The following CACNA1D variants were observed in gnomAD, a reference collection of about 807,000 sequenced individuals.
CACNA1D encodes voltage-dependent L-type calcium channel subunit alpha-1D.
In CACNA1D, 55 loss-of-function variants were observed where a neutral mutation model predicts 257.1. The ratio of observed to expected loss-of-function variants is 0.21; its 90% confidence interval spans 0.17 to 0.27. The LOEUF is 0.27. Ranked by LOEUF, CACNA1D falls within the 10% of genes least tolerant of loss-of-function variation. The pLI is 1.00. For missense variants in CACNA1D, 1,876 were observed against 2,784.0 expected (o/e 0.67, Z 7.34); for synonymous variants, 980 against 1,014.9 (o/e 0.97, Z 0.65).
At chr3:53,741,906 A>T (rs1356229337) in intron 21 of CACNA1D, among the ~76,000 whole-genome samples, 1 of 152,196 alleles carries the variant, frequency 6.6e-6, no homozygotes, top group African/African-American at 2.4e-5. Context: ...TAGACACAGG[A>T]TTATTTAAAA....
rs897912587 is a variant in CACNA1D, at chr3:53,781,893, A to G, written c.4792+226A>G. ...GCTTCAGTGAAAAACCAAAACTCAC[A>G]TGGCTGGAGCAGGGATTTTCTTTTT... is the stretch of plus-strand genomic sequence containing the variant. On this transcript the variant is annotated intron_variant, in intron 39 of 47. Coordinates refer to ENST00000350061, the MANE Select transcript of CACNA1D (RefSeq NM_001128840.3). The G allele has an allele frequency of 7.2e-6, 4 of 554,546 alleles. No individual in the cohort carries two copies. In the Admixed American group the frequency reaches 1.3e-4, roughly 18 times the overall value. 34.4% of individuals were successfully genotyped at this position (554,546 alleles called of 1,614,324 possible). A position where few individuals can be genotyped will look rare whatever the true frequency, so the allele number is the denominator to read the frequency against.
intron 8 of CACNA1D, among the ~76,000 whole-genome samples, chr3:53,693,378 A>G (rs2094545414): frequency 6.6e-6 from 1 of 152,176 alleles, no homozygotes; most frequent in Non-Finnish European, 1.5e-5. Flanking sequence ...TGGAACAAAT[A>G]CAATGCTTTT....
Position 53,813,387 on chromosome 3 carries a change from G to C in CACNA1D, c.*1981G>C, listed in dbSNP as rs180902209. 3.9e-5 allele frequency: 6 copies of C among 152,352 alleles called. No homozygotes were observed. Among genetic ancestry groups the C allele is most frequent in the African/African-American group, 1.4e-4 (6 of 41,568 alleles). The allele number at this position is 152,352 out of a possible 1,614,324, so 9.4% of individuals were successfully genotyped here. The stretch of plus-strand genomic sequence containing the variant: ...GCCAGTGAGAGCCTCCGACAGGGCA[G>C]GTACTGTGCCAGGGCAGCTCTGAAA... On this transcript the variant is annotated 3_prime_UTR_variant, in exon 48 of 48. Coordinates refer to ENST00000350061, the MANE Select transcript of CACNA1D (RefSeq NM_001128840.3).
Position 53,494,649 on chromosome 3 carries a change from A to C in CACNA1D, c.-518A>C, listed in dbSNP as rs2090271481. 1 of 144,556 alleles carries C rather than the reference A, an allele frequency of 6.9e-6. No individual in the cohort carries two copies. Among genetic ancestry groups the C allele is most frequent in the South Asian group, 1.9e-4 (1 of 5,322 alleles). The allele number at this position is 144,556 out of a possible 1,614,324, so 9.0% of individuals were successfully genotyped here. The stretch of plus-strand genomic sequence containing the variant: ...GGCGCGGCGCGGCGGGCGCGGAGCG[A>C]GCGGGCGGGCGAGCGCCTCCGTCCC... On this transcript the variant is annotated 5_prime_UTR_variant, in exon 1 of 48. Coordinates refer to ENST00000350061, the MANE Select transcript of CACNA1D (RefSeq NM_001128840.3).
chr3:53,518,491 G>A (rs899724434), intron 3 of CACNA1D, among the ~76,000 whole-genome samples: 2 of 152,150 alleles, frequency 1.3e-5, no homozygotes, highest in African/African-American at 4.8e-5. Flanking sequence ...CAGAGTGCTG[G>A]AGGTAGAGAC....
intron 14 of CACNA1D, 98 bp downstream of exon 14, chr3:53,724,097 C>T: frequency 1.0e-6 from 1 of 1,000,998 alleles, no homozygotes; most frequent in Non-Finnish European, 1.6e-6. Context: ...CAAAAGGACT[C>T]CATTTTTGTT....
intron 3 of CACNA1D, among the ~76,000 whole-genome samples, chr3:53,514,941 A>G (rs2091273905): frequency 6.6e-6 from 1 of 152,190 alleles, no homozygotes; most frequent in African/African-American, 2.4e-5. Context: ...AGGGTTTTGC[A>G]GCGGATCTGG....
intron 3 of CACNA1D, among the ~76,000 whole-genome samples, chr3:53,582,088 C>A (rs2093141791): frequency 6.6e-6 from 1 of 152,028 alleles, no homozygotes; most frequent in Non-Finnish European, 1.5e-5. Context: ...AGTATATTCT[C>A]CTGTGTTTTT....
At position 53,735,501 on chromosome 3, in the gene CACNA1D, A is replaced by G. The variant is rs2108787281; in HGVS notation, c.2749A>G (p.Thr917Ala). 4.3e-6 allele frequency: 7 copies of G among 1,614,010 alleles called. No individual in the cohort carries two copies. The highest frequency in any genetic ancestry group is 5.9e-6 in the Non-Finnish European group (7 of 1,180,012). Residue 917 changes from threonine (T) to alanine (A), a missense_variant and splice_region_variant, in exon 20 of 48, where the codon ACG (threonine) becomes GCG (alanine). Physicochemically the swap from Thr to Ala is moderately conservative, Grantham distance 58. Around this residue, in one of 10 missense-constraint regions of CACNA1D, gnomAD observed 271 missense variants for 425.5 expected, o/e 0.64. Coordinates refer to ENST00000350061, the MANE Select transcript of CACNA1D (RefSeq NM_001128840.3). ...DPIRSHSFRNTILGYFDYAFT... is the reference protein window; with the variant it reads ...DPIRSHSFRNAILGYFDYAFT... The stretch of plus-strand genomic sequence containing the variant: ...CATCCGCAGCCACTCCTTCCGGAAC[A>G]CGGTAAGTCCCCAGGGTGGGGCTCG...
chr3:53,548,937 G>C (rs917906072), intron 3 of CACNA1D, among the ~76,000 whole-genome samples: 9 of 152,114 alleles, frequency 5.9e-5, no homozygotes, highest in Non-Finnish European at 1.0e-4. Flanking sequence ...TCATTCATTG[G>C]GGACTTCTAT....
intron 3 of CACNA1D, among the ~76,000 whole-genome samples, chr3:53,586,901 G>A (rs1178657483): frequency 2.0e-5 from 3 of 152,148 alleles, no homozygotes; most frequent in Non-Finnish European, 4.4e-5. Flanking sequence ...AGACGCTGGG[G>A]GGGTAATGTG....
At chr3:53,722,594 A>AAACTTGGT in intron 12 of CACNA1D, 120 bp downstream of exon 12, 1 of 1,060,708 alleles carries the variant, frequency 9.4e-7, no homozygotes. Context: ...TAGTGAGGAC[A>AAACTTGGT]AACTTGGTAG....
chr3:53,747,396 C>A lies in CACNA1D; in HGVS notation c.3262C>A (p.Leu1088Ile), dbSNP rs1410108580. ...QNSDFNFDNVLSAMMALFTVS... is the reference protein window; with the variant it reads ...QNSDFNFDNVISAMMALFTVS... ...CAGTGATTTCAACTTCGACAACGTC[C>A]TCTCTGCTATGATGGCGCTCTTCAC... The change falls in exon 26 of 48, where the codon CTC becomes ATC. Residue 1088 changes from leucine to isoleucine, a missense_variant. By Grantham distance (5) the Leu-to-Ile change is conservative. Coordinates refer to ENST00000350061, the MANE Select transcript of CACNA1D (RefSeq NM_001128840.3). 1 of 1,614,166 alleles carries A rather than the reference C, an allele frequency of 6.2e-7. No homozygotes were observed. The highest frequency in any genetic ancestry group is 8.5e-7 in the Non-Finnish European group (1 of 1,179,968).
At chr3:53,597,086 T>G (rs186726678) in intron 3 of CACNA1D, among the ~76,000 whole-genome samples, 56 of 152,368 alleles carry the variant, frequency 3.7e-4, no homozygotes, top group Admixed American at 2.4e-3. Context: ...TGTATGTCAT[T>G]TAATTCTTAC....
At chr3:53,619,138 G>A (rs2093668565) in intron 3 of CACNA1D, among the ~76,000 whole-genome samples, 1 of 152,074 alleles carries the variant, frequency 6.6e-6, no homozygotes, top group South Asian at 2.1e-4. Context: ...CAATAAAACG[G>A]GCACACCCCA....
intron 5 of CACNA1D, among the ~76,000 whole-genome samples, chr3:53,660,768 A>G (rs578217392): frequency 2.0e-4 from 30 of 151,948 alleles, no homozygotes; most frequent in African/African-American, 6.8e-4. Context: ...GAACTGTGCT[A>G]CCCAGCTCTG....
chr3:53,690,802 G>A (rs983597239), intron 8 of CACNA1D, among the ~76,000 whole-genome samples: 6 of 152,152 alleles, frequency 3.9e-5, no homozygotes, highest in Non-Finnish European at 5.9e-5. Flanking sequence ...ATCCAGCCTC[G>A]AGCTTATTCT....
intron 15 of CACNA1D, among the ~76,000 whole-genome samples, chr3:53,729,099 C>T (rs943541118): frequency 2.6e-5 from 4 of 152,160 alleles, no homozygotes; most frequent in Non-Finnish European, 4.4e-5. Context: ...AGCCCCTGTC[C>T]GAGTTACCAT....
chr3:53,668,328 T>G (rs1299138586), intron 7 of CACNA1D, among the ~76,000 whole-genome samples: 1 of 152,162 alleles, frequency 6.6e-6, no homozygotes, highest in East Asian at 1.9e-4. Flanking sequence ...AACCTGGGAG[T>G]AGATGATTAA....
Sources: allele counts gnomAD v4.1 joint callset (sites outside exome capture counted in the v4.1 genomes callset), GRCh38; gene constraint gnomAD v4.1.1; regional missense constraint gnomAD v4.1.1; transcripts MANE v1.5; gene names NCBI Gene and HGNC (gene_info 2026-07-23, HGNC 2026-07-21).